The following DPP10 variants were observed in gnomAD, a reference collection of about 807,000 sequenced individuals.
The protein encoded by DPP10 is inactive dipeptidyl peptidase 10.
Under a neutral mutation model 120.9 loss-of-function variants are expected in DPP10, and 33 were observed. The observed-to-expected ratio is 0.27, with a 90% CI of 0.21 to 0.37. The LOEUF is 0.37. Among genes scored for constraint, DPP10 ranks in the 10% least tolerant of loss-of-function variants. The pLI is 1.00. For synonymous variants in DPP10, 337 were observed against 326.1 expected (o/e 1.03, Z -0.36); for missense variants, 816 against 942.8 (o/e 0.87, Z 1.76).
In DPP10 at chr2:115,595,741, T is replaced by A. The variant is rs568343743; in HGVS notation, c.441+69769T>A. Among the ~76,000 whole-genome samples, 7 of 152,188 alleles carry A rather than the reference T, an allele frequency of 4.6e-5. No individual in the cohort carries two copies. The East Asian group carries it at 1.3e-3, about 29-fold the overall frequency. ...ATATTTCCTTTCCTCCCCAATTTTC[T>A]ATATCCGTTTAGTTTTATCCATCAT... On this transcript the variant is annotated intron_variant, in intron 5 of 25. Transcript: ENST00000410059.
chr2:115,269,505 G>A (rs2059601402), intron 1 of DPP10, among the ~76,000 whole-genome samples: 1 of 152,144 alleles, frequency 6.6e-6, no homozygotes, highest in South Asian at 2.1e-4. Context: ...AAGACTAGGA[G>A]GCTTGACTAG....
chr2:115,302,057 T>TA (rs1452530438), intron 1 of DPP10, among the ~76,000 whole-genome samples: 1 of 151,940 alleles, frequency 6.6e-6, no homozygotes, highest in African/African-American at 2.4e-5. Flanking sequence ...TCAGAAAACT[T>TA]ACCATCATGG....
intron 1 of DPP10, chr2:114,461,528 C>G (rs1678915709): frequency 2.1e-6 from 2 of 953,976 alleles, no homozygotes; most frequent in African/African-American, 3.5e-5. Context: ...CACTCTCTTG[C>G]CTCCAATAAT....
At chr2:114,461,050 T>G (rs1678884124) in intron 1 of DPP10, among the ~76,000 whole-genome samples, 1 of 152,244 alleles carries the variant, frequency 6.6e-6, no homozygotes, top group African/African-American at 2.4e-5. Context: ...ACCAGCTTAA[T>G]GTTTGTTTTA....
chr2:114,935,679 C>T (rs913036552), intron 1 of DPP10, among the ~76,000 whole-genome samples: 3 of 141,250 alleles, frequency 2.1e-5, no homozygotes, highest in African/African-American at 5.0e-5. Context: ...CGGTTATTTG[C>T]TCAAGTGTGT....
At chr2:115,619,354 C>T (rs903599009) in intron 5 of DPP10, among the ~76,000 whole-genome samples, 2 of 151,874 alleles carry the variant, frequency 1.3e-5, no homozygotes, top group Non-Finnish European at 1.5e-5. Context: ...GGATTACAGA[C>T]GTGAGCCATC....
At chr2:114,614,857 T>C (rs1693560834) in intron 1 of DPP10, among the ~76,000 whole-genome samples, 1 of 152,202 alleles carries the variant, frequency 6.6e-6, no homozygotes, top group South Asian at 2.1e-4. Context: ...TCATTAATTG[T>C]GCATAAATTA....
intron 1 of DPP10, among the ~76,000 whole-genome samples, chr2:115,089,754 GA>G (rs1709084432): frequency 6.6e-6 from 1 of 152,142 alleles, no homozygotes; most frequent in African/African-American, 2.4e-5. Flanking sequence ...TGTAGTGTAT[GA>G]AAAAGTAGGG....
intron 2 of DPP10, among the ~76,000 whole-genome samples, chr2:115,337,216 T>C (rs910261521): frequency 7.2e-5 from 11 of 151,914 alleles, no homozygotes; most frequent in African/African-American, 2.2e-4. Flanking sequence ...GAGGATATGC[T>C]ATTATCTTCC....
chr2:114,509,405 T>C (rs1348516964), intron 1 of DPP10, among the ~76,000 whole-genome samples: 2 of 152,246 alleles, frequency 1.3e-5, no homozygotes, highest in Non-Finnish European at 2.9e-5. Context: ...AGGATTTTTC[T>C]TTGAAGGAAC....
chr2:114,862,194 A>G lies in DPP10; in HGVS notation c.60+419356A>G, dbSNP rs192643129. On this transcript the variant is annotated intron_variant, in intron 1 of 25. Transcript: ENST00000410059. The stretch of plus-strand genomic sequence containing the variant: ...GATTGCAAAGTCAGTCCAGAAAAAC[A>G]AAGGTAAAATGAAATGGACTTTTAA... 2.3e-3 allele frequency among the ~76,000 whole-genome samples: 349 copies of G among 152,284 alleles called. 2 individuals are homozygous for G. Among genetic ancestry groups the G allele is most frequent in the Middle Eastern group, 0.014 (4 of 294 alleles).
chr2:115,766,318 A>G (rs1053078628), intron 12 of DPP10, among the ~76,000 whole-genome samples: 30,062 of 80,604 alleles, frequency 0.37, 6,744 homozygotes, highest in East Asian at 0.6. Flanking sequence ...GTGTATATAT[A>G]TATATATGTA....
intron 1 of DPP10, among the ~76,000 whole-genome samples, chr2:115,115,213 C>T (rs943040992): frequency 6.6e-6 from 1 of 152,014 alleles, no homozygotes; most frequent in Non-Finnish European, 1.5e-5. Flanking sequence ...TAACTGTGTC[C>T]ATACACAGTG....
intron 3 of DPP10, among the ~76,000 whole-genome samples, chr2:115,425,699 T>C (rs2104724093): frequency 6.6e-6 from 1 of 152,316 alleles, no homozygotes; most frequent in East Asian, 1.9e-4. Flanking sequence ...TAATTGATAG[T>C]GTATTTGGCC....
At chr2:115,280,887 A>G (rs2060131297) in intron 1 of DPP10, among the ~76,000 whole-genome samples, 1 of 152,164 alleles carries the variant, frequency 6.6e-6, no homozygotes, top group Non-Finnish European at 1.5e-5. Flanking sequence ...TAGTCACTTA[A>G]ACTTGAGAAT....
At chr2:115,547,332 A>G (rs1008532946) in intron 5 of DPP10, among the ~76,000 whole-genome samples, 2 of 152,184 alleles carry the variant, frequency 1.3e-5, no homozygotes, top group African/African-American at 2.4e-5. Flanking sequence ...AAACTTCAAG[A>G]TTTGTGCAAA....
At chr2:114,856,599 T>G (rs940232630) in intron 1 of DPP10, among the ~76,000 whole-genome samples, 6 of 152,194 alleles carry the variant, frequency 3.9e-5, no homozygotes, top group African/African-American at 1.4e-4. Flanking sequence ...TTCACAAGTA[T>G]AATATTTTGT....
chr2:114,469,621 A>G (rs530232259), intron 1 of DPP10, among the ~76,000 whole-genome samples: 2 of 152,202 alleles, frequency 1.3e-5, no homozygotes, highest in South Asian at 4.1e-4. Context: ...CTAGCTAGTC[A>G]GGAGGCTGAG....
intron 1 of DPP10, among the ~76,000 whole-genome samples, chr2:114,953,721 T>A (rs1374404638): frequency 2.0e-5 from 3 of 152,156 alleles, no homozygotes; most frequent in Admixed American, 2.0e-4. Flanking sequence ...CAATAATAGA[T>A]TGTTCAACAA....
Sources: allele counts gnomAD v4.1 joint callset (sites outside exome capture counted in the v4.1 genomes callset), GRCh38; gene constraint gnomAD v4.1.1; transcripts MANE v1.5; gene names NCBI Gene and HGNC (gene_info 2026-07-23, HGNC 2026-07-21).